Variants in SHROOM2 observed in about 807,000 individuals in gnomAD.
SHROOM2 encodes the protein shroom family member 2, also known as protein Shroom2.
Under a neutral mutation model 75.9 loss-of-function variants are expected in SHROOM2, and 33 were observed. The ratio of observed to expected loss-of-function variants is 0.43; its 90% CI spans 0.33 to 0.58. SHROOM2 has a LOEUF of 0.58. SHROOM2 is among the 20% of genes least tolerant of loss of function. The pLI is 0.04. For missense variants in SHROOM2, 1,434 were observed against 1,461.2 expected (o/e 0.98, Z 0.30); for synonymous variants, 655 against 663.6 (o/e 0.99, Z 0.20).
At chrX:9,837,489 C>T (rs1336039290) in intron 1 of SHROOM2, among the ~76,000 whole-genome samples, 37 of 112,263 alleles carry the variant, frequency 3.3e-4, no homozygotes, top group Admixed American at 3.2e-3. Flanking sequence ...GATGATGAAA[C>T]GTGTGGTGTG....
chrX:9,859,498 G>GTGCT (rs756711809), intron 1 of SHROOM2, among the ~76,000 whole-genome samples: 8 of 111,874 alleles, frequency 7.2e-5, no homozygotes, highest in Non-Finnish European at 1.3e-4. Flanking sequence ...TAGTGGCCAT[G>GTGCT]TGCTCCAGGC....
intron 1 of SHROOM2, among the ~76,000 whole-genome samples, chrX:9,805,033 G>A (rs986004449): frequency 3.7e-5 from 4 of 108,250 alleles, no homozygotes; most frequent in African/African-American, 6.8e-5. Context: ...TCAGGAGTTC[G>A]AGACGAGCTT....
chrX:9,894,066 A>T (rs1345489608), intron 3 of SHROOM2, among the ~76,000 whole-genome samples: 1 of 111,207 alleles, frequency 9.0e-6, no homozygotes, highest in African/African-American at 3.3e-5. Context: ...GTTGCCTGCC[A>T]ACGATCCGGG....
chrX:9,942,458 G>A (rs1475268250), intron 8 of SHROOM2, among the ~76,000 whole-genome samples: 1 of 111,933 alleles, frequency 8.9e-6, no homozygotes, highest in Non-Finnish European at 1.9e-5. Flanking sequence ...CACACCAGTC[G>A]CAAGTCTGAG....
At chrX:9,922,920 G>A (rs771890917) in intron 5 of SHROOM2, among the ~76,000 whole-genome samples, 15 of 111,395 alleles carry the variant, frequency 1.3e-4, no homozygotes, top group African/African-American at 2.0e-4. Context: ...ATAACACTTC[G>A]TTTACAAAAC....
chrX:9,850,127 C>T (rs1055189426), intron 1 of SHROOM2, among the ~76,000 whole-genome samples: 1 of 111,787 alleles, frequency 8.9e-6, no homozygotes, highest in Non-Finnish European at 1.9e-5. Flanking sequence ...TGCTGGGCAT[C>T]TTGGGGCCAG....
intron 9 of SHROOM2, among the ~76,000 whole-genome samples, chrX:9,945,201 G>A (rs2084808354): frequency 9.0e-6 from 1 of 110,835 alleles, no homozygotes; most frequent in African/African-American, 3.3e-5. Context: ...TCTGCCTCCC[G>A]AGGTTCAAGA....
At chrX:9,861,159 T>C (rs1438249858) in intron 1 of SHROOM2, among the ~76,000 whole-genome samples, 1 of 112,177 alleles carries the variant, frequency 8.9e-6, no homozygotes, top group Non-Finnish European at 1.9e-5. Flanking sequence ...TTTGATATTA[T>C]GTTTTTGTTG....
chrX:9,787,359 G>C (rs757462499), intron 1 of SHROOM2, among the ~76,000 whole-genome samples: 10 of 110,533 alleles, frequency 9.0e-5, no homozygotes, highest in Non-Finnish European at 7.6e-5. Flanking sequence ...TGTGTGGTTT[G>C]CTTTAGAACA....
At chrX:9,920,233 A>G (rs2084533188) in intron 5 of SHROOM2, among the ~76,000 whole-genome samples, 1 of 112,155 alleles carries the variant, frequency 8.9e-6, no homozygotes. Context: ...GCTCACTACA[A>G]CTCATCAGAC....
rs781761446 is a variant in SHROOM2 at position 9,896,296 on chromosome X, C to T, written c.2388C>T (p.Asp796=). ...TSEDTVGTFA[D]RWKFFEETSK... is the part of the protein sequence containing the mutation. ...AGGATACTGTGGGCACGTTTGCTGACAGGTGGAAGTTTTTTGAGGAAACGA... is the reference window on the plus strand; with the variant it reads ...AGGATACTGTGGGCACGTTTGCTGATAGGTGGAAGTTTTTTGAGGAAACGA... The change falls in exon 4 of 10, where the codon GAC becomes GAT. Residue 796 remains aspartate, a synonymous_variant. Transcript: ENST00000380913. The T allele has an allele frequency of 4.9e-6, 6 of 1,212,175 alleles. No individual in the cohort carries two copies. In the South Asian group the frequency reaches 1.1e-4, roughly 21 times the overall value.
intron 1 of SHROOM2, among the ~76,000 whole-genome samples, chrX:9,870,452 C>T (rs1014705054): frequency 2.7e-5 from 3 of 112,361 alleles, no homozygotes; most frequent in East Asian, 5.5e-4. Flanking sequence ...CTGAGTTTTA[C>T]ACCATGTTTC....
chrX:9,868,310 A>G lies in SHROOM2; in HGVS notation c.166-5342A>G, dbSNP rs1206997891. 2.7e-5 allele frequency among the ~76,000 whole-genome samples: 3 copies of G among 109,184 alleles called. No individual in the cohort carries two copies. The South Asian group carries it at 1.2e-3, about 43-fold the overall frequency. The allele number at this position is 109,184 out of a possible 115,157, so 94.8% of individuals were successfully genotyped here. A position where few individuals can be genotyped will look rare whatever the true frequency, so the allele number is the denominator to read the frequency against. On this transcript the variant is annotated intron_variant, in intron 1 of 9. Coordinates refer to ENST00000380913, the MANE Select transcript of SHROOM2 (RefSeq NM_001649.4). Reference sequence around the variant, plus strand: ...GCCCAGGCTGGAGTGCAGTGGCGCAATCTCAGCCCACTGCAACCTCCACCT... The same window carrying G: ...GCCCAGGCTGGAGTGCAGTGGCGCAGTCTCAGCCCACTGCAACCTCCACCT...
Position 9,896,583 on chromosome X carries a change from C to G in SHROOM2, c.2675C>G (p.Ser892Cys), listed in dbSNP as rs1203550657. The G allele has an allele frequency of 2.5e-6, 3 of 1,209,297 alleles. No homozygotes were observed. The highest frequency in any genetic ancestry group is 2.2e-5 in the Admixed American group (1 of 45,858). Residue 892 changes from serine (S) to cysteine (C), a missense_variant, in exon 4 of 10, where the codon TCT becomes TGT. Physicochemically the swap from Ser to Cys is moderately radical, Grantham distance 112 (BLOSUM62 -1). Coordinates refer to ENST00000380913, the MANE Select transcript of SHROOM2 (RefSeq NM_001649.4). ...EQRKPLEARS[S>C]GRCHSADDIL... Reference sequence around the variant, plus strand: ...AGGAAACCTCTGGAGGCCAGGAGCTCTGGGCGCTGCCACTCAGCGGATGAC... The same window carrying G: ...AGGAAACCTCTGGAGGCCAGGAGCTGTGGGCGCTGCCACTCAGCGGATGAC...
intron 1 of SHROOM2, among the ~76,000 whole-genome samples, chrX:9,794,227 T>G (rs777896610): frequency 8.9e-6 from 1 of 112,076 alleles, no homozygotes; most frequent in South Asian, 3.7e-4. Flanking sequence ...CAAACAACTC[T>G]GCGTGTAGCT....
At chrX:9,836,345 G>T (rs982377276) in intron 1 of SHROOM2, among the ~76,000 whole-genome samples, 10 of 111,573 alleles carry the variant, frequency 9.0e-5, no homozygotes, top group Non-Finnish European at 1.7e-4. Context: ...TGGACACATA[G>T]ACAGCGCTCA....
intron 1 of SHROOM2, among the ~76,000 whole-genome samples, chrX:9,833,097 C>T (rs2083924666): frequency 9.0e-6 from 1 of 110,822 alleles, no homozygotes; most frequent in Non-Finnish European, 1.9e-5. Context: ...CAGCAGGTGG[C>T]CCTGGGACTC....
At chrX:9,908,008 C>T (rs2084400900) in intron 5 of SHROOM2, among the ~76,000 whole-genome samples, 1 of 112,732 alleles carries the variant, frequency 8.9e-6, no homozygotes, top group Non-Finnish European at 1.9e-5. Context: ...GCTTCCAGCA[C>T]AGGGAGCATG....
At chrX:9,787,496 G>T (rs914991785) in intron 1 of SHROOM2, among the ~76,000 whole-genome samples, 1 of 112,433 alleles carries the variant, frequency 8.9e-6, no homozygotes, top group Non-Finnish European at 1.9e-5. Context: ...GTGTGTAGTG[G>T]TCATTTTCTC....
Sources: allele counts gnomAD v4.1 joint callset (sites outside exome capture counted in the v4.1 genomes callset), GRCh38; gene constraint gnomAD v4.1.1; transcripts MANE v1.5; gene names NCBI Gene and HGNC (gene_info 2026-07-23, HGNC 2026-07-21).